The following DOCK1 variants were observed in gnomAD, a reference collection of about 807,000 sequenced individuals.
DOCK1 encodes dedicator of cytokinesis 1, also known as dedicator of cytokinesis protein 1.
Under a neutral mutation model 262.7 loss-of-function variants are expected in DOCK1, and 138 were observed. The ratio of observed to expected loss-of-function variants is 0.53; its 90% CI spans 0.46 to 0.61. The LOEUF (loss-of-function observed/expected upper bound fraction) is 0.61, where lower values mean the gene tolerates loss of function less well. Ranked by LOEUF, DOCK1 falls within the 20% of genes least tolerant of loss-of-function variation. The pLI is 0.00. For missense variants in DOCK1, 1,908 were observed against 2,370.7 expected (o/e 0.80, Z 4.05); for synonymous variants, 866 against 867.4 (o/e 1.00, Z 0.03).
chr10:127,262,444 G>A (rs373448288), intron 29 of DOCK1, among the ~76,000 whole-genome samples: 4 of 152,164 alleles, frequency 2.6e-5, no homozygotes, highest in African/African-American at 9.7e-5. Flanking sequence ...CCACCGAGGA[G>A]GCATTTTAGG....
chr10:127,355,247 T>C (rs767200895), intron 32 of DOCK1, among the ~76,000 whole-genome samples: 3 of 152,234 alleles, frequency 2.0e-5, no homozygotes, highest in Non-Finnish European at 4.4e-5. Flanking sequence ...TAAGTAATTT[T>C]TTCCAACTAC....
chr10:127,106,979 T>C (rs1187606767), intron 24 of DOCK1, among the ~76,000 whole-genome samples: 1 of 152,154 alleles, frequency 6.6e-6, no homozygotes, highest in East Asian at 1.9e-4. Context: ...TTTTAAGAGA[T>C]AGGGGTCTCA....
chr10:127,004,992 C>A (rs2040905441), intron 10 of DOCK1, among the ~76,000 whole-genome samples: 2 of 152,078 alleles, frequency 1.3e-5, no homozygotes, highest in South Asian at 2.1e-4. Flanking sequence ...ATAGGACTTG[C>A]TTCTAACTTA....
At chr10:127,350,064 A>G (rs1472280008) in intron 31 of DOCK1, among the ~76,000 whole-genome samples, 1 of 152,192 alleles carries the variant, frequency 6.6e-6, no homozygotes. Context: ...GTCATGACCA[A>G]TAGACTTTTC....
intron 18 of DOCK1, among the ~76,000 whole-genome samples, chr10:127,034,005 G>T (rs1227904679): frequency 1.3e-5 from 2 of 152,110 alleles, no homozygotes; most frequent in African/African-American, 4.8e-5. Context: ...CTAGCTTGTG[G>T]TTGTGTAGTG....
intron 1 of DOCK1, among the ~76,000 whole-genome samples, chr10:126,927,522 C>T (rs949119692): frequency 6.6e-6 from 1 of 152,064 alleles, no homozygotes; most frequent in Non-Finnish European, 1.5e-5. Flanking sequence ...CTGCAACCTC[C>T]GCCTCCCGGG....
intron 29 of DOCK1, among the ~76,000 whole-genome samples, chr10:127,302,930 T>C (rs2061739867): frequency 6.6e-6 from 1 of 152,208 alleles, no homozygotes; most frequent in Admixed American, 6.5e-5. Flanking sequence ...CTTTGAATTT[T>C]TGGCTCTTTG....
chr10:127,146,302 G>GT (rs1361053259), intron 27 of DOCK1, among the ~76,000 whole-genome samples: 1 of 152,148 alleles, frequency 6.6e-6, no homozygotes, highest in Non-Finnish European at 1.5e-5. Context: ...TGGGTAATCA[G>GT]TTTTAGTTAC....
intron 29 of DOCK1, among the ~76,000 whole-genome samples, chr10:127,333,782 A>G (rs2063083971): frequency 6.6e-6 from 1 of 152,224 alleles, no homozygotes; most frequent in South Asian, 2.1e-4. Flanking sequence ...CAGAATTCAC[A>G]GGGCTTGTCT....
chr10:127,196,726 A>AGAGGAGGAGGAGGAGGAAGAG (rs376664476), intron 27 of DOCK1, among the ~76,000 whole-genome samples: 4 of 149,642 alleles, frequency 2.7e-5, no homozygotes, highest in African/African-American at 7.3e-5. Flanking sequence ...AGGAGGAGGA[A>AGAGGAGGAGGAGGAGGAAGAG]GAGGAGGAGG....
chr10:127,400,093 T>C (rs1286500929), intron 38 of DOCK1, among the ~76,000 whole-genome samples: 1 of 152,036 alleles, frequency 6.6e-6, no homozygotes, highest in Non-Finnish European at 1.5e-5. Context: ...GTCCCAGCTC[T>C]GAAACCTTTG....
Position 127,289,585 on chromosome 10 carries a change from C to T in DOCK1, c.3044+32156C>T, listed in dbSNP as rs190683999. On this transcript the variant is annotated intron_variant, in intron 29 of 51. Coordinates refer to ENST00000623213, the MANE Select transcript of DOCK1 (RefSeq NM_001290223.2). ...ATTGTAACATCTCACCAGAAATAAA[C>T]GAGCCTGCTTATTTCTCCACAACCT... is the stretch of plus-strand genomic sequence containing the variant. 1.5e-3 allele frequency among the ~76,000 whole-genome samples: 231 copies of T among 152,274 alleles called. 1 individual carries two copies. Among genetic ancestry groups the T allele is most frequent in the South Asian group, 2.9e-3 (14 of 4,822 alleles).
At chr10:127,414,723 G>A (rs1014739484) in intron 43 of DOCK1, among the ~76,000 whole-genome samples, 5 of 152,158 alleles carry the variant, frequency 3.3e-5, no homozygotes, top group Admixed American at 6.5e-5. Flanking sequence ...AGGTCACTTT[G>A]ATTAAATCCA....
At chr10:127,026,806 C>A (rs571455691) in intron 16 of DOCK1, among the ~76,000 whole-genome samples, 1 of 152,114 alleles carries the variant, frequency 6.6e-6, no homozygotes, top group Non-Finnish European at 1.5e-5. Flanking sequence ...TTTTGTCTTC[C>A]TTGGTGGCCC....
At chr10:127,232,129 C>A (rs2058867171) in intron 27 of DOCK1, among the ~76,000 whole-genome samples, 1 of 151,698 alleles carries the variant, frequency 6.6e-6, no homozygotes, top group African/African-American at 2.4e-5. Context: ...AGAGTACAAT[C>A]CTGAAGGGTG....
intron 1 of DOCK1, among the ~76,000 whole-genome samples, chr10:126,941,581 C>G (rs1285166566): frequency 2.0e-5 from 3 of 152,106 alleles, no homozygotes; most frequent in Admixed American, 2.0e-4. Flanking sequence ...ACGGTGAAAC[C>G]CTGTCTCTAC....
intron 16 of DOCK1, among the ~76,000 whole-genome samples, chr10:127,028,182 C>T (rs571706657): frequency 8.5e-5 from 13 of 152,242 alleles, no homozygotes; most frequent in South Asian, 4.2e-4. Flanking sequence ...TTATGTCTAA[C>T]GGGAGAAGCA....
chr10:126,924,563 G>A (rs917195410), intron 1 of DOCK1, among the ~76,000 whole-genome samples: 5 of 152,228 alleles, frequency 3.3e-5, no homozygotes, highest in African/African-American at 1.2e-4. Flanking sequence ...AAACGGCAGG[G>A]TGGGGAGAGT....
intron 47 of DOCK1, among the ~76,000 whole-genome samples, chr10:127,427,593 G>A (rs190240624): frequency 2.0e-4 from 31 of 152,278 alleles, no homozygotes; most frequent in African/African-American, 5.3e-4. Flanking sequence ...ACCCTAGCAC[G>A]TGGCAGACCC....
Sources: allele counts gnomAD v4.1 joint callset (sites outside exome capture counted in the v4.1 genomes callset), GRCh38; gene constraint gnomAD v4.1.1; transcripts MANE v1.5; gene names NCBI Gene and HGNC (gene_info 2026-07-23, HGNC 2026-07-21).